Variants in DEFB121 observed in about 807,000 individuals in gnomAD.
The protein encoded by DEFB121 is defensin beta 121, also known as beta-defensin 121.
Under a neutral mutation model 2.5 loss-of-function variants are expected in DEFB121, and 5 were observed. The ratio of observed to expected loss-of-function variants is 1.96; its 90% CI spans 1.03 to 4.13. DEFB121 has a LOEUF of 4.13. Among genes scored for constraint, DEFB121 ranks in the 30% most tolerant of loss-of-function variants. DEFB121 has a pLI of 0.00. For synonymous variants in DEFB121, 39 were observed against 32.6 expected (o/e 1.20, Z -0.67); for missense variants, 87 against 85.0 (o/e 1.02, Z -0.09).
At chr20:31,416,796 G>A (rs903227245), upstream of DEFB121, among the ~76,000 whole-genome samples, 12 of 152,100 alleles carry the variant, frequency 7.9e-5, no homozygotes, top group African/African-American at 9.7e-5. Context: ...ACAATTCCAC[G>A]TTAAGCGCTT....
upstream of DEFB121, among the ~76,000 whole-genome samples, chr20:31,416,975 A>T (rs1390063193): frequency 1.3e-5 from 2 of 152,160 alleles, no homozygotes; most frequent in Non-Finnish European, 2.9e-5. Flanking sequence ...GACTGATCTC[A>T]AGCAAAAACC....
At chr20:31,408,151 A>G (rs557673935), upstream of DEFB121, among the ~76,000 whole-genome samples, 2 of 152,180 alleles carry the variant, frequency 1.3e-5, no homozygotes, top group South Asian at 4.1e-4. Flanking sequence ...CTAACATGGA[A>G]GAAAACAACA....
chr20:31,412,534 G>T, intron 1 of DEFB121: 1 of 962,670 alleles, frequency 1.0e-6, no homozygotes, highest in Non-Finnish European at 1.4e-6. Context: ...TAAATTAGGT[G>T]ATGCTTGTAA....
the DEFB121 span, among the ~76,000 whole-genome samples, chr20:31,418,276 A>AAAAAG: frequency 6.7e-6 from 1 of 149,596 alleles, no homozygotes; most frequent in African/African-American, 2.4e-5. Flanking sequence ...AAAAAAAAAA[A>AAAAAG]AAAAAAGAAA....
upstream of DEFB121, among the ~76,000 whole-genome samples, chr20:31,417,729 G>A (rs1331258461): frequency 2.6e-5 from 4 of 152,088 alleles, no homozygotes; most frequent in Non-Finnish European, 5.9e-5. Flanking sequence ...TTGGCAGACC[G>A]AGGCAGGCCA....
At chr20:31,410,374 G>A (rs1978624073), upstream of DEFB121, among the ~76,000 whole-genome samples, 1 of 152,210 alleles carries the variant, frequency 6.6e-6, no homozygotes, top group Non-Finnish European at 1.5e-5. Context: ...AGGAGAGAGG[G>A]AGGGAGGCAA....
chr20:31,412,483 T>A, intron 1 of DEFB121: 1 of 480,290 alleles, frequency 2.1e-6, no homozygotes, highest in Non-Finnish European at 3.6e-6. Context: ...ATCTCTAATA[T>A]GGAGATGATA....
At chr20:31,407,734 C>T (rs138798262), upstream of DEFB121, among the ~76,000 whole-genome samples, 262 of 152,274 alleles carry the variant, frequency 1.7e-3, 1 homozygote, top group African/African-American at 6.0e-3. Flanking sequence ...CAGGAAAGAG[C>T]CAAGTGCTTT....
chr20:31,408,138 T>C (rs1421419695), upstream of DEFB121, among the ~76,000 whole-genome samples: 3 of 152,160 alleles, frequency 2.0e-5, no homozygotes, highest in Non-Finnish European at 2.9e-5. Flanking sequence ...GAATATCTTC[T>C]TTCTAACATG....
upstream of DEFB121, chr20:31,406,318 CAAGG>C: frequency 2.2e-6 from 3 of 1,390,478 alleles, no homozygotes; most frequent in Non-Finnish European, 2.8e-6. Context: ...GACAGGCAGG[CAAGG>C]AAGGTATCAA....
chr20:31,413,241 C>T (rs1212787246), upstream of DEFB121, among the ~76,000 whole-genome samples: 1 of 152,296 alleles, frequency 6.6e-6, no homozygotes, highest in Non-Finnish European at 1.5e-5. Context: ...ACATGCTTAC[C>T]GCTTATTGAG....
chr20:31,417,424 T>C (rs1482262790), upstream of DEFB121, among the ~76,000 whole-genome samples: 1 of 151,744 alleles, frequency 6.6e-6, no homozygotes, highest in Non-Finnish European at 1.5e-5. Context: ...CCAGAAATTA[T>C]AACAAAATGA....
rs1365429561 is a variant in DEFB121 at position 31,406,013 on chromosome 20, C to T, written c.58+82G>A. ...GAGCTCTACCAGGCCATTCTCCCAG[C>T]CCAACCTGTCAGAGTCCCCAGAGTT... is the stretch of plus-strand genomic sequence containing the variant. On this transcript the variant is annotated intron_variant, in intron 1 of 1. Coordinates refer to ENST00000376314, the MANE Select transcript of DEFB121 (RefSeq NM_001011878.3). The T allele has an allele frequency of 5.3e-6, 8 of 1,517,650 alleles. No individual in the cohort carries two copies. The Admixed American group carries it at 1.4e-4, about 27-fold the overall frequency. 94.0% of individuals were successfully genotyped at this position (1,517,650 alleles called of 1,614,324 possible).
At chr20:31,417,685 G>A (rs916127759), upstream of DEFB121, among the ~76,000 whole-genome samples, 3 of 152,044 alleles carry the variant, frequency 2.0e-5, no homozygotes, top group Admixed American at 2.0e-4. Flanking sequence ...GACAATGGTT[G>A]GGCACAGTGG....
intron 1 of DEFB121, 112 bp from the exon 2 acceptor site, chr20:31,405,197 G>A: frequency 1.9e-6 from 2 of 1,041,948 alleles, no homozygotes; most frequent in South Asian, 1.7e-5. Context: ...GAGGAGGTCT[G>A]TGGGGAAGAA....
intron 1 of DEFB121, among the ~76,000 whole-genome samples, chr20:31,411,882 C>A (rs1041308431): frequency 1.3e-5 from 2 of 152,228 alleles, no homozygotes; most frequent in Non-Finnish European, 2.9e-5. Context: ...TCTTCTTGAG[C>A]CTCAAGTGGG....
chr20:31,412,534 G>A, intron 1 of DEFB121: 1 of 962,672 alleles, frequency 1.0e-6, no homozygotes, highest in Non-Finnish European at 1.4e-6. Context: ...TAAATTAGGT[G>A]ATGCTTGTAA....
At chr20:31,410,531 A>T (rs1978630546), upstream of DEFB121, among the ~76,000 whole-genome samples, 1 of 152,222 alleles carries the variant, frequency 6.6e-6, no homozygotes, top group East Asian at 1.9e-4. Context: ...GTAAAATAAA[A>T]TAAGAGAAGG....
At chr20:31,417,816 A>T (rs1978850802), upstream of DEFB121, among the ~76,000 whole-genome samples, 1 of 151,674 alleles carries the variant, frequency 6.6e-6, no homozygotes, top group Non-Finnish European at 1.5e-5. Context: ...TACAAAAATT[A>T]GCCAGGCATG....
Sources: allele counts gnomAD v4.1 joint callset (sites outside exome capture counted in the v4.1 genomes callset), GRCh38; gene constraint gnomAD v4.1.1; transcripts MANE v1.5; gene names NCBI Gene and HGNC (gene_info 2026-07-23, HGNC 2026-07-21).